Variants in RAD23B observed in about 807,000 individuals in gnomAD.
The protein encoded by RAD23B is RAD23 nucleotide excision repair protein B, also known as lysine-specific demethylase RAD23B.
A neutral mutation model predicts 49.1 loss-of-function variants in RAD23B; 5 were observed. The observed-to-expected ratio is 0.10, with a 90% CI of 0.05 to 0.21. The LOEUF is 0.21. Ranked by LOEUF, RAD23B falls within the 10% of genes least tolerant of loss-of-function variation. The pLI is 1.00. For synonymous variants in RAD23B, 184 were observed against 165.4 expected, an observed-to-expected ratio of 1.11 and a Z score of -0.86; for missense variants, 356 against 486.7, an observed-to-expected ratio of 0.73 and a Z score of 2.53.
chr9:107,306,063 A>C (rs796367833), intron 3 of RAD23B, among the ~76,000 whole-genome samples: 3 of 125,346 alleles, frequency 2.4e-5, no homozygotes, highest in Non-Finnish European at 5.4e-5. Context: ...ATATATATAT[A>C]TATATATATC....
intron 4 of RAD23B, among the ~76,000 whole-genome samples, chr9:107,310,105 A>G (rs1191029800): frequency 1.3e-5 from 2 of 152,182 alleles, no homozygotes; most frequent in Non-Finnish European, 1.5e-5. Context: ...AGACCCAGAT[A>G]GATACAGGAA....
At chr9:107,284,400 G>A (rs1833230711) in intron 1 of RAD23B, among the ~76,000 whole-genome samples, 1 of 151,704 alleles carries the variant, frequency 6.6e-6, no homozygotes. Context: ...CGGGTTTTCT[G>A]TGTTAGAAAT....
chr9:107,284,700 A>G lies in RAD23B; in HGVS notation c.66+1005A>G, dbSNP rs11573618. The G allele has an allele frequency of 1.0e-3, 1,154 of 1,112,296 alleles. 15 individuals are homozygous for G. In the African/African-American group the frequency reaches 0.017, roughly 16 times the overall value. The allele number at this position is 1,112,296 out of a possible 1,614,324, so 68.9% of individuals were successfully genotyped here. On this transcript the variant is annotated intron_variant, in intron 1 of 9. Coordinates refer to ENST00000358015, the MANE Select transcript of RAD23B (RefSeq NM_002874.5). ...AATACACCGCCAAGATTGTCATAAT[A>G]CTAAGTTTAAACCAGCAGCTTTCTG...
chr9:107,306,689 T>C lies in RAD23B; in HGVS notation c.497+42T>C, dbSNP rs761416401. 3 of 1,569,334 alleles carry C rather than the reference T, an allele frequency of 1.9e-6. No homozygotes were observed. In the African/African-American group the frequency reaches 4.1e-5, roughly 21 times the overall value. ...AGGACATTCTATCTCAAAATCCGTG[T>C]TTAACAGGAACTTCATGCATTTATT... On this transcript the variant is annotated intron_variant, in intron 4 of 9. Coordinates refer to ENST00000358015, the MANE Select transcript of RAD23B (RefSeq NM_002874.5).
At chr9:107,319,607 C>T (rs981626128) in intron 6 of RAD23B, among the ~76,000 whole-genome samples, 11 of 152,108 alleles carry the variant, frequency 7.2e-5, no homozygotes, top group Non-Finnish European at 1.2e-4. Context: ...TATTTTAGAT[C>T]GTGGAATCTA....
At position 107,313,887 on chromosome 9, in the gene RAD23B, G is replaced by C. The variant is rs577065371; in HGVS notation, c.553+2150G>C. On this transcript the variant is annotated intron_variant, in intron 5 of 9. Coordinates refer to ENST00000358015, the MANE Select transcript of RAD23B (RefSeq NM_002874.5). ...TCTTTTCCTTTCTCCTCTCTCCTCT[G>C]TCCTCTCTCCTTTCTCCTTTCCTTT... is the stretch of plus-strand genomic sequence containing the variant. Among the ~76,000 whole-genome samples the C allele has an allele frequency of 4.3e-4, 63 of 145,070 alleles. No homozygotes were observed. The South Asian group carries it at 0.011, about 24-fold the overall frequency.
rs1308398201 is a variant in RAD23B at position 107,329,694 on chromosome 9, A to G, written c.*38A>G. ...TATATCTCACACTTCACACCAGTGCATTACACTAACTTGTTCACTGGATTG... is the reference window on the plus strand; with the variant it reads ...TATATCTCACACTTCACACCAGTGCGTTACACTAACTTGTTCACTGGATTG... On this transcript the variant is annotated 3_prime_UTR_variant, in exon 10 of 10. Coordinates refer to ENST00000358015, the MANE Select transcript of RAD23B (RefSeq NM_002874.5). The G allele has an allele frequency of 1.6e-6, 2 of 1,248,390 alleles. No homozygotes were observed. Among genetic ancestry groups the G allele is most frequent in the Non-Finnish European group, 2.3e-6 (2 of 888,292 alleles). 77.3% of individuals were successfully genotyped at this position (1,248,390 alleles called of 1,614,324 possible).
chr9:107,328,290 T>C (rs1376704774), intron 9 of RAD23B, among the ~76,000 whole-genome samples: 1 of 152,226 alleles, frequency 6.6e-6, no homozygotes, highest in Non-Finnish European at 1.5e-5. Context: ...TTAACCTTTT[T>C]GGCACCAGGG....
chr9:107,289,326 G>A (rs888267594), intron 1 of RAD23B, among the ~76,000 whole-genome samples: 2 of 151,832 alleles, frequency 1.3e-5, no homozygotes, highest in Non-Finnish European at 2.9e-5. Context: ...CTGGGACTAC[G>A]GGGGCATGCC....
chr9:107,329,211 T>G (rs1827263204), intron 9 of RAD23B, among the ~76,000 whole-genome samples: 1 of 152,234 alleles, frequency 6.6e-6, no homozygotes, highest in African/African-American at 2.4e-5. Flanking sequence ...GTAGAGTCAT[T>G]TATTTTTAAA....
intron 5 of RAD23B, 91 bp downstream of exon 5, chr9:107,311,828 G>A (rs984746819): frequency 1.0e-6 from 1 of 967,174 alleles, no homozygotes; most frequent in South Asian, 1.6e-5. Flanking sequence ...TTAATAATTT[G>A]CATGGTTGTT....
At position 107,298,611 on chromosome 9, in the gene RAD23B, A is replaced by C. The variant is rs578061941; in HGVS notation, c.67-1530A>C. Among the ~76,000 whole-genome samples the C allele has an allele frequency of 4.1e-4, 61 of 149,892 alleles. 1 individual carries two copies. Among genetic ancestry groups the C allele is most frequent in the African/African-American group, 8.8e-4 (36 of 40,824 alleles). On this transcript the variant is annotated intron_variant, in intron 1 of 9. Coordinates refer to ENST00000358015, the MANE Select transcript of RAD23B (RefSeq NM_002874.5). ...CTCCCAAAGTGCTGGGATTACAGGCATCAGCCACTGCGCCTGACCCAATGT... is the reference window on the plus strand; with the variant it reads ...CTCCCAAAGTGCTGGGATTACAGGCCTCAGCCACTGCGCCTGACCCAATGT...
chr9:107,300,348 A>T, intron 2 of RAD23B, 126 bp downstream of exon 2: 1 of 1,105,128 alleles, frequency 9.0e-7, no homozygotes, highest in South Asian at 2.7e-5. Context: ...AAAGCAGTGA[A>T]AGAGCAGTCA....
chr9:107,310,551 C>A (rs887982884), intron 4 of RAD23B, among the ~76,000 whole-genome samples: 3 of 152,008 alleles, frequency 2.0e-5, no homozygotes, highest in Non-Finnish European at 4.4e-5. Context: ...AGTTGTTATT[C>A]TTTTAAATAG....
At chr9:107,288,909 TAAG>T in intron 1 of RAD23B, among the ~76,000 whole-genome samples, 1 of 152,222 alleles carries the variant, frequency 6.6e-6, no homozygotes, top group Middle Eastern at 3.4e-3. Flanking sequence ...GGGTAAGAGA[TAAG>T]AGAGTGAGTT....
chr9:107,312,679 A>G (rs1293567837), intron 5 of RAD23B, among the ~76,000 whole-genome samples: 1 of 152,218 alleles, frequency 6.6e-6, no homozygotes, highest in Non-Finnish European at 1.5e-5. Flanking sequence ...GTTAGTCTCT[A>G]GCCAGGAAAA....
At chr9:107,284,626 C>T in intron 1 of RAD23B, 1 of 743,488 alleles carries the variant, frequency 1.3e-6, no homozygotes, top group Non-Finnish European at 1.7e-6. Flanking sequence ...CAACTTTATG[C>T]CAAGAATCTA....
At chr9:107,320,494 T>TA (rs1384458851) in intron 6 of RAD23B, among the ~76,000 whole-genome samples, 2 of 152,234 alleles carry the variant, frequency 1.3e-5, no homozygotes, top group Non-Finnish European at 2.9e-5. Flanking sequence ...TGCAAATAAA[T>TA]AGATGATACA....
chr9:107,304,993 A>G (rs1018022818), intron 3 of RAD23B, among the ~76,000 whole-genome samples: 1 of 152,192 alleles, frequency 6.6e-6, no homozygotes. Flanking sequence ...TAGAGAAACT[A>G]TTAAGAAAAT....
Sources: gnomAD v4.1 joint callset for allele counts (sites outside exome capture counted in the v4.1 genomes callset) on GRCh38, gnomAD v4.1.1 for gene constraint, MANE v1.5 for transcripts, NCBI Gene and HGNC (gene_info 2026-07-23, HGNC 2026-07-21) for gene names.